The following GRM8 variants were observed in gnomAD, a reference collection of about 807,000 sequenced individuals.
GRM8 encodes metabotropic glutamate receptor 8.
In GRM8, 47 loss-of-function variants were observed where a neutral mutation model predicts 87.2. The observed-to-expected ratio is 0.54, with a 90% CI of 0.43 to 0.69. The LOEUF (loss-of-function observed/expected upper bound fraction) is 0.69. Among genes scored for constraint, GRM8 ranks in the 30% least tolerant of loss-of-function variants. The pLI, the probability that GRM8 is intolerant of heterozygous loss-of-function variation, is 0.00. For synonymous variants in GRM8, 396 were observed against 404.5 expected (o/e 0.98, Z 0.25); for missense variants, 1,019 against 1,139.2 (o/e 0.89, Z 1.52).
chr7:126,946,313 G>A (rs1285616447), intron 3 of GRM8, among the ~76,000 whole-genome samples: 1 of 152,114 alleles, frequency 6.6e-6, no homozygotes, highest in East Asian at 1.9e-4. Context: ...ACCAGCTTGA[G>A]CAACATAGTG....
At chr7:126,903,279 T>A (rs1802280116) in intron 5 of GRM8, among the ~76,000 whole-genome samples, 1 of 152,152 alleles carries the variant, frequency 6.6e-6, no homozygotes, top group Admixed American at 6.6e-5. Flanking sequence ...AAGATGGGAA[T>A]TTCAGTCACT....
At chr7:127,114,960 A>C (rs538736305) in intron 2 of GRM8, among the ~76,000 whole-genome samples, 1 of 152,256 alleles carries the variant, frequency 6.6e-6, no homozygotes, top group African/African-American at 2.4e-5. Flanking sequence ...ACCTAGAAGG[A>C]GTCAGAGGTC....
At chr7:126,806,887 C>T (rs1266192994) in intron 6 of GRM8, among the ~76,000 whole-genome samples, 1 of 152,236 alleles carries the variant, frequency 6.6e-6, no homozygotes, top group Non-Finnish European at 1.5e-5. Flanking sequence ...TCTCCCTCCA[C>T]ACCTCCCCGC....
chr7:126,622,212 C>T (rs1800250103), intron 7 of GRM8, among the ~76,000 whole-genome samples: 1 of 152,138 alleles, frequency 6.6e-6, no homozygotes, highest in South Asian at 2.1e-4. Flanking sequence ...CTGAATTTTG[C>T]ATGCTAGGTG....
At chr7:126,839,342 G>A (rs1796068856) in intron 6 of GRM8, among the ~76,000 whole-genome samples, 1 of 152,118 alleles carries the variant, frequency 6.6e-6, no homozygotes, top group Non-Finnish European at 1.5e-5. Flanking sequence ...TAATGAATTA[G>A]GATCTGGATT....
chr7:126,740,307 C>G (rs1291807601), intron 7 of GRM8, among the ~76,000 whole-genome samples: 1 of 151,978 alleles, frequency 6.6e-6, no homozygotes, highest in Non-Finnish European at 1.5e-5. Context: ...CTAATATCAC[C>G]TCTGATTATT....
intron 6 of GRM8, among the ~76,000 whole-genome samples, chr7:126,842,055 T>C (rs1796316653): frequency 6.6e-6 from 1 of 151,282 alleles, no homozygotes; most frequent in Non-Finnish European, 1.5e-5. Context: ...TGTTAAACCA[T>C]TTAACGTTTT....
chr7:126,618,391 G>A (rs1585242941), intron 7 of GRM8, among the ~76,000 whole-genome samples: 1 of 152,314 alleles, frequency 6.6e-6, no homozygotes, highest in South Asian at 2.1e-4. Context: ...ATGGATTAAA[G>A]ACTTAAATGT....
At chr7:126,965,087 T>C (rs915678333) in intron 3 of GRM8, among the ~76,000 whole-genome samples, 1 of 152,040 alleles carries the variant, frequency 6.6e-6, no homozygotes, top group African/African-American at 2.4e-5. Flanking sequence ...ATGTTCTCAC[T>C]CATAAATGGG....
intron 6 of GRM8, among the ~76,000 whole-genome samples, chr7:126,813,418 G>A (rs937617158): frequency 1.3e-5 from 2 of 152,092 alleles, no homozygotes; most frequent in Non-Finnish European, 2.9e-5. Context: ...AAAAACTCTG[G>A]TTGCACATTT....
chr7:126,743,974 C>T (rs1815327171), intron 7 of GRM8, among the ~76,000 whole-genome samples: 1 of 151,896 alleles, frequency 6.6e-6, no homozygotes, highest in African/African-American at 2.4e-5. Context: ...GACAGTGGTG[C>T]CGAACTACAC....
intron 8 of GRM8, among the ~76,000 whole-genome samples, chr7:126,607,605 C>A (rs963735456): frequency 3.3e-5 from 5 of 152,090 alleles, no homozygotes; most frequent in African/African-American, 1.2e-4. Context: ...GTGAATTACA[C>A]ATTAAAACAA....
At chr7:126,625,492 CTCT>C (rs957027225) in intron 7 of GRM8, among the ~76,000 whole-genome samples, 12 of 150,564 alleles carry the variant, frequency 8.0e-5, no homozygotes, top group African/African-American at 2.4e-4. Context: ...TCTGAACCAA[CTCT>C]TCTTCTTGAT....
intron 3 of GRM8, among the ~76,000 whole-genome samples, chr7:127,015,015 AG>A: frequency 1.0e-5 from 1 of 100,130 alleles, no homozygotes; most frequent in Non-Finnish European, 2.1e-5. Context: ...AAGAAGAAGA[AG>A]AAGAAGAAGA....
chr7:127,209,892 C>A (rs1451016206), intron 2 of GRM8, among the ~76,000 whole-genome samples: 1 of 152,068 alleles, frequency 6.6e-6, no homozygotes. Flanking sequence ...CTACCCCCGA[C>A]CCCATGGCTC....
chr7:127,057,167 T>TCA (rs1820080733), intron 3 of GRM8, among the ~76,000 whole-genome samples: 1 of 151,646 alleles, frequency 6.6e-6, no homozygotes, highest in African/African-American at 2.4e-5. Flanking sequence ...TACCAAAACT[T>TCA]TAAATATCAA....
chr7:126,581,952 C>T (rs1409439043), intron 8 of GRM8, among the ~76,000 whole-genome samples: 2 of 152,070 alleles, frequency 1.3e-5, no homozygotes, highest in African/African-American at 2.4e-5. Flanking sequence ...CTCTTTGGGC[C>T]TTGATATTCC....
At chr7:127,150,075 G>A (rs1828770292) in intron 2 of GRM8, among the ~76,000 whole-genome samples, 1 of 151,956 alleles carries the variant, frequency 6.6e-6, no homozygotes, top group Non-Finnish European at 1.5e-5. Context: ...ACATTAATTT[G>A]CTTCACTATA....
chr7:127,031,129 C>A (rs1311611374), intron 3 of GRM8, among the ~76,000 whole-genome samples: 1 of 152,114 alleles, frequency 6.6e-6, no homozygotes, highest in Non-Finnish European at 1.5e-5. Flanking sequence ...GTGGTCAACA[C>A]AAACCCCAGG....
Sources: allele counts gnomAD v4.1 joint callset (sites outside exome capture counted in the v4.1 genomes callset), GRCh38; gene constraint gnomAD v4.1.1; transcripts MANE v1.5; gene names NCBI Gene and HGNC (gene_info 2026-07-23, HGNC 2026-07-21).